The following FHIP2A variants were observed in gnomAD, a reference collection of about 807,000 sequenced individuals.
FHIP2A encodes FHF complex subunit HOOK interacting protein 2A, also known as family with sequence similarity 160 member B1.
Under a neutral mutation model 93.5 loss-of-function variants are expected in FHIP2A, and 46 were observed. The ratio of observed to expected loss-of-function variants is 0.49; its 90% confidence interval spans 0.39 to 0.63. The LOEUF (loss-of-function observed/expected upper bound fraction) is 0.63, where lower values mean the gene tolerates loss of function less well. Among genes scored for constraint, FHIP2A ranks in the 20% least tolerant of loss-of-function variants. The probability of loss-of-function intolerance (pLI) is 0.00; values close to 1 mark genes in which losing one functional copy is unlikely to be tolerated. For synonymous variants in FHIP2A, 332 were observed against 326.5 expected (o/e 1.02, Z -0.18); for missense variants, 769 against 909.7 (o/e 0.85, Z 1.99).
chr10:114,890,743 T>C (rs1404990632), intron 16 of FHIP2A, among the ~76,000 whole-genome samples: 1 of 148,366 alleles, frequency 6.7e-6, no homozygotes, highest in East Asian at 1.9e-4. Context: ...ATATACTGTA[T>C]ATGACATACA....
intron 16 of FHIP2A, among the ~76,000 whole-genome samples, chr10:114,878,414 T>C (rs1269683426): frequency 1.3e-5 from 2 of 152,130 alleles, no homozygotes; most frequent in African/African-American, 4.8e-5. Flanking sequence ...AAGTCACTCA[T>C]AGAAGCTGCT....
chr10:114,862,970 C>T lies in FHIP2A; in HGVS notation c.*1430C>T. 1.0e-6 allele frequency: 1 copy of T among 985,402 alleles called. No homozygotes were observed. Among genetic ancestry groups the T allele is most frequent in the East Asian group, 1.1e-4 (1 of 8,822 alleles). The allele number at this position is 985,402 out of a possible 1,614,324, so 61.0% of individuals were successfully genotyped here. On this transcript the variant is annotated 3_prime_UTR_variant, in exon 17 of 17. Coordinates refer to ENST00000369248, the MANE Select transcript of FHIP2A (RefSeq NM_020940.4). ...TAGAGGCTTGTTTTACACCTATCTG[C>T]TCATTTTGTTGTGTTAGCTTTTCTG...
chr10:114,864,747 G>T, downstream of FHIP2A: 1 of 960,010 alleles, frequency 1.0e-6, no homozygotes, highest in Non-Finnish European at 1.2e-6. Flanking sequence ...ATTCTAATTG[G>T]GAACATTTTA....
chr10:114,842,884 C>A, intron 5 of FHIP2A, 49 bp from the exon 6 acceptor site: 1 of 1,281,090 alleles, frequency 7.8e-7, no homozygotes, highest in Non-Finnish European at 1.1e-6. Context: ...TTATTTTTGG[C>A]TTAAAAAGTT....
intron 16 of FHIP2A, among the ~76,000 whole-genome samples, chr10:114,877,544 G>A (rs1423012781): frequency 6.6e-6 from 1 of 152,052 alleles, no homozygotes; most frequent in African/African-American, 2.4e-5. Flanking sequence ...AGCGGTTCGG[G>A]CCCCACAAAA....
At position 114,860,758 on chromosome 10, in the gene FHIP2A, G is replaced by A. The variant is rs1226529830; in HGVS notation, c.1957G>A (p.Val653Ile). 3 of 1,598,698 alleles carry A rather than the reference G, an allele frequency of 1.9e-6. No individual in the cohort carries two copies. Among genetic ancestry groups the A allele is most frequent in the South Asian group, 1.1e-5 (1 of 90,752 alleles). The part of the protein sequence containing the change: ...MGRILDQPYD[V>I]NLQVTSVLSR... ...TTTTATCTCTCCATAGCCATATGAT[G>A]TAAACTTACAAGTAACCTCAGTGTT... The change falls in exon 15 of 17, where the codon GTA (valine) becomes ATA (isoleucine). Residue 653 changes from valine (V) to isoleucine (I), a missense_variant. Val to Ile is a conservative substitution (Grantham distance 29, BLOSUM62 3). Coordinates refer to ENST00000369248, the MANE Select transcript of FHIP2A (RefSeq NM_020940.4).
intron 16 of FHIP2A, among the ~76,000 whole-genome samples, chr10:114,886,575 C>T (rs1387781633): frequency 2.0e-5 from 3 of 152,106 alleles, no homozygotes; most frequent in Non-Finnish European, 2.9e-5. Context: ...GACAGAGTCT[C>T]GCTTTGTCAC....
intron 13 of FHIP2A, among the ~76,000 whole-genome samples, chr10:114,853,109 G>T (rs1484787763): frequency 6.6e-6 from 1 of 152,076 alleles, no homozygotes; most frequent in African/African-American, 2.4e-5. Flanking sequence ...TTGCCTTGGG[G>T]TTATAAGGTA....
chr10:114,877,620 T>C (rs897717090), intron 16 of FHIP2A, among the ~76,000 whole-genome samples: 8 of 152,156 alleles, frequency 5.3e-5, no homozygotes, highest in African/African-American at 1.9e-4. Flanking sequence ...AGCTCCCCAG[T>C]GATTCTATTG....
At chr10:114,851,954 G>T (rs1432502135) in intron 13 of FHIP2A, among the ~76,000 whole-genome samples, 1 of 151,960 alleles carries the variant, frequency 6.6e-6, no homozygotes, top group Non-Finnish European at 1.5e-5. Context: ...ATTCTTTATT[G>T]TAAGTGAAAT....
chr10:114,844,355 C>T (rs556123035), intron 7 of FHIP2A, among the ~76,000 whole-genome samples: 72 of 152,314 alleles, frequency 4.7e-4, no homozygotes, highest in African/African-American at 1.7e-3. Flanking sequence ...ACCTTTTAGA[C>T]TCCCCAACTT....
chr10:114,835,066 T>A (rs1462035364), intron 3 of FHIP2A, among the ~76,000 whole-genome samples: 1 of 152,236 alleles, frequency 6.6e-6, no homozygotes, highest in Non-Finnish European at 1.5e-5. Flanking sequence ...ATAGGTTTCC[T>A]TTTATTTACA....
At chr10:114,889,451 A>G (rs1008598052) in intron 16 of FHIP2A, among the ~76,000 whole-genome samples, 3 of 152,144 alleles carry the variant, frequency 2.0e-5, no homozygotes, top group African/African-American at 7.2e-5. Context: ...CTAGATATTA[A>G]GCACCACCCT....
In FHIP2A at chr10:114,864,356, G is replaced by A. The variant is rs1183381643; in HGVS notation, c.*2816G>A. 1 of 985,418 alleles carries A rather than the reference G, an allele frequency of 1.0e-6. No individual in the cohort carries two copies. The highest frequency in any genetic ancestry group is 1.2e-6 in the Non-Finnish European group (1 of 829,698). The allele number at this position is 985,418 out of a possible 1,614,324, so 61.0% of individuals were successfully genotyped here. A position where few individuals can be genotyped will look rare whatever the true frequency, so the allele number is the denominator to read the frequency against. On this transcript the variant is annotated 3_prime_UTR_variant, in exon 17 of 17. Coordinates refer to ENST00000369248, the MANE Select transcript of FHIP2A (RefSeq NM_020940.4). The stretch of plus-strand genomic sequence containing the variant: ...ACACTATATGGTAATTATATTTTGG[G>A]TTATGTAGTAAATCAAATATGCATG...
Position 114,863,888 on chromosome 10 carries a change from T to C in FHIP2A, c.*2348T>C, listed in dbSNP as rs1185210488. The C allele has an allele frequency of 5.5e-6, 6 of 1,085,200 alleles. No individual in the cohort carries two copies. The South Asian group carries it at 9.3e-5, about 17-fold the overall frequency. 67.2% of individuals were successfully genotyped at this position (1,085,200 alleles called of 1,614,324 possible). Reference sequence around the variant, plus strand: ...TGCTTCACATTTGTATCAATAAATATGCACATTTTTTAAAACTTTCTAACA... The same window carrying C: ...TGCTTCACATTTGTATCAATAAATACGCACATTTTTTAAAACTTTCTAACA... On this transcript the variant is annotated 3_prime_UTR_variant, in exon 17 of 17. Coordinates refer to ENST00000369248, the MANE Select transcript of FHIP2A (RefSeq NM_020940.4).
intron 5 of FHIP2A, among the ~76,000 whole-genome samples, chr10:114,841,252 T>A (rs2083666771): frequency 6.6e-6 from 1 of 151,816 alleles, no homozygotes; most frequent in African/African-American, 2.4e-5. Context: ...TTAAATTGAA[T>A]GAAATGTTTT....
In FHIP2A at chr10:114,863,745, C is replaced by G. The variant is rs1316026128; in HGVS notation, c.*2205C>G. On this transcript the variant is annotated 3_prime_UTR_variant, in exon 17 of 17. Transcript: ENST00000369248. ...AGTTTTTCTTACCTTCTGTTGACAG[C>G]TGAATATTTCTGTTACTCAGTACTT... The G allele has an allele frequency of 7.8e-6, 10 of 1,284,482 alleles. No individual in the cohort carries two copies. The highest frequency in any genetic ancestry group is 3.1e-5 in the African/African-American group (2 of 64,688). The allele number at this position is 1,284,482 out of a possible 1,614,324, so 79.6% of individuals were successfully genotyped here. A position where few individuals can be genotyped will look rare whatever the true frequency, so the allele number is the denominator to read the frequency against.
At chr10:114,833,943 G>C (rs1052792684) in intron 3 of FHIP2A, among the ~76,000 whole-genome samples, 47 of 152,298 alleles carry the variant, frequency 3.1e-4, no homozygotes, top group African/African-American at 1.0e-3. Flanking sequence ...GGGAACGGGA[G>C]AGCCTTGGGT....
chr10:114,851,838 GT>G (rs1358230429), intron 13 of FHIP2A, among the ~76,000 whole-genome samples: 2 of 151,310 alleles, frequency 1.3e-5, no homozygotes, highest in Admixed American at 1.3e-4. Context: ...AACACCGGAT[GT>G]TTTTCCATTT....
Sources: gnomAD v4.1 joint callset for allele counts (sites outside exome capture counted in the v4.1 genomes callset) on GRCh38, gnomAD v4.1.1 for gene constraint, MANE v1.5 for transcripts, NCBI Gene and HGNC (gene_info 2026-07-23, HGNC 2026-07-21) for gene names.